The following CRYL1 variants were observed in gnomAD, a reference collection of about 807,000 sequenced individuals.
CRYL1 encodes crystallin lambda 1, also known as lambda-crystallin homolog.
Under a neutral mutation model 36.6 loss-of-function variants are expected in CRYL1, and 29 were observed. The ratio of observed to expected loss-of-function variants is 0.79; its 90% confidence interval spans 0.59 to 1.08. CRYL1 has a LOEUF of 1.08. Ranked by LOEUF, CRYL1 falls within the 50% of genes least tolerant of loss-of-function variation. The pLI is 0.00. For missense variants in CRYL1, 411 were observed against 407.9 expected (o/e 1.01, Z -0.06); for synonymous variants, 152 against 151.5 (o/e 1.00, Z -0.02).
chr13:20,508,057 G>A (rs9509259), intron 2 of CRYL1, among the ~76,000 whole-genome samples: 41,586 of 151,574 alleles, frequency 0.27, 6,951 homozygotes, highest in Admixed American at 0.38. Context: ...GCGAAACCCT[G>A]TCTCTACAAA....
chr13:20,451,335 A>G (rs2137417869), intron 3 of CRYL1, among the ~76,000 whole-genome samples: 1 of 152,276 alleles, frequency 6.6e-6, no homozygotes, highest in African/African-American at 2.4e-5. Context: ...AAAAGAAACT[A>G]TCAACAGCGT....
At chr13:20,476,548 ACAG>A (rs2033171090) in intron 3 of CRYL1, among the ~76,000 whole-genome samples, 1 of 152,168 alleles carries the variant, frequency 6.6e-6, no homozygotes, top group African/African-American at 2.4e-5. Context: ...GAAAATAAAC[ACAG>A]CAAGGCAGCT....
intron 5 of CRYL1, among the ~76,000 whole-genome samples, chr13:20,422,056 T>C (rs2137377168): frequency 6.6e-6 from 1 of 152,024 alleles, no homozygotes; most frequent in South Asian, 2.1e-4. Context: ...AAATTGCTGC[T>C]AGAAAAAAAA....
chr13:20,524,153 C>T (rs1329696738), intron 1 of CRYL1, among the ~76,000 whole-genome samples: 1 of 152,134 alleles, frequency 6.6e-6, no homozygotes, highest in Admixed American at 6.5e-5. Context: ...GGCTTGAGCC[C>T]GGAAGGTGGA....
At chr13:20,423,011 T>G (rs1216751016) in intron 5 of CRYL1, among the ~76,000 whole-genome samples, 1 of 152,226 alleles carries the variant, frequency 6.6e-6, no homozygotes, top group Non-Finnish European at 1.5e-5. Flanking sequence ...CTTTCTTGAT[T>G]AAATGTATTT....
chr13:20,500,211 A>T (rs1422513133), intron 2 of CRYL1, among the ~76,000 whole-genome samples: 2 of 152,186 alleles, frequency 1.3e-5, no homozygotes, highest in African/African-American at 4.8e-5. Flanking sequence ...TTTGTTTTTC[A>T]GAGTCTGAAG....
intron 2 of CRYL1, among the ~76,000 whole-genome samples, chr13:20,497,458 TACACACTACACACACACCACCAC>T (rs1211197957): frequency 2.4e-4 from 22 of 91,756 alleles, no homozygotes; most frequent in African/African-American, 7.4e-4. Context: ...ACACCACATA[TACACACTACACACACACCACCAC>T]ACACACAACT....
At chr13:20,406,789 A>C (rs1465708570) in intron 6 of CRYL1, among the ~76,000 whole-genome samples, 4 of 151,890 alleles carry the variant, frequency 2.6e-5, no homozygotes, top group African/African-American at 9.7e-5. Flanking sequence ...AAGAAAATGG[A>C]AAGAGCTGCT....
intron 5 of CRYL1, among the ~76,000 whole-genome samples, chr13:20,422,290 A>G (rs1156499661): frequency 2.7e-5 from 4 of 150,010 alleles, no homozygotes; most frequent in African/African-American, 9.8e-5. Context: ...AACCTGGGAG[A>G]TGGAGATTGC....
chr13:20,414,859 G>C (rs1163331619), intron 5 of CRYL1, among the ~76,000 whole-genome samples: 1 of 152,218 alleles, frequency 6.6e-6, no homozygotes, highest in East Asian at 1.9e-4. Flanking sequence ...CATTTCCACT[G>C]TCAGGAGGGC....
chr13:20,418,249 C>G (rs891389816), intron 5 of CRYL1: 3 of 152,196 alleles, frequency 2.0e-5, no homozygotes, highest in African/African-American at 7.2e-5. Context: ...CTAGCCTGGC[C>G]GAGCTGACCC....
chr13:20,404,062 T>A lies in CRYL1; in HGVS notation c.*67A>T. 1 of 1,121,238 alleles carries A rather than the reference T, an allele frequency of 8.9e-7. No individual in the cohort carries two copies. The highest frequency in any genetic ancestry group is 1.4e-6 in the Non-Finnish European group (1 of 738,928). 69.5% of individuals were successfully genotyped at this position (1,121,238 alleles called of 1,614,324 possible). On this transcript the variant is annotated 3_prime_UTR_variant, in exon 8 of 8. Coordinates refer to ENST00000298248, the MANE Select transcript of CRYL1 (RefSeq NM_015974.3). The stretch of plus-strand genomic sequence containing the variant: ...TGCTACCTATGTCACAGAGGGCTGA[T>A]TAAGGGCTTGCAGTGTTCCCAAATA...
intron 5 of CRYL1, among the ~76,000 whole-genome samples, chr13:20,424,606 G>A (rs1039840338): frequency 6.6e-6 from 1 of 152,192 alleles, no homozygotes; most frequent in Non-Finnish European, 1.5e-5. Flanking sequence ...AGCTCTAAGC[G>A]GCACCTGGGG....
rs1555226402 is a variant in CRYL1 at position 20,420,701 on chromosome 13, TTGTG to T, written c.634-7318_634-7315del. On this transcript the variant is annotated intron_variant, in intron 5 of 7. Coordinates refer to ENST00000298248, the MANE Select transcript of CRYL1 (RefSeq NM_015974.3). ...CTTTGACTTTTCTTTAAAATAGAGG[TTGTG>T]TGTGTGTGTGTGTGTGTGTGTGTGT... Among the ~76,000 whole-genome samples the T allele has an allele frequency of 1.1e-3, 24 of 21,874 alleles. 3 individuals are homozygous for T. Among genetic ancestry groups the T allele is most frequent in the Middle Eastern group, 0.056 (2 of 36 alleles). The allele number at this position is 21,874 out of a possible 152,430, so 14.4% of individuals were successfully genotyped here.
intron 3 of CRYL1, among the ~76,000 whole-genome samples, chr13:20,447,754 A>T (rs2032487455): frequency 6.6e-6 from 1 of 152,230 alleles, no homozygotes; most frequent in Admixed American, 6.5e-5. Context: ...CCTTTAATGC[A>T]CTAAGGATAA....
At chr13:20,456,195 C>T (rs955501807) in intron 3 of CRYL1, among the ~76,000 whole-genome samples, 11 of 151,998 alleles carry the variant, frequency 7.2e-5, no homozygotes, top group Admixed American at 3.3e-4. Context: ...ATACAATGAC[C>T]GGATGCAGTG....
chr13:20,475,479 G>A (rs944034207), intron 3 of CRYL1, among the ~76,000 whole-genome samples: 3 of 152,354 alleles, frequency 2.0e-5, no homozygotes. Context: ...TTCCTGAGGT[G>A]TGCAGGCAAA....
intron 1 of CRYL1, among the ~76,000 whole-genome samples, chr13:20,521,029 G>A (rs1240516038): frequency 1.1e-4 from 16 of 148,626 alleles, no homozygotes; most frequent in African/African-American, 2.5e-4. Context: ...CCGTGAACCC[G>A]GAGGCGGAGG....
intron 1 of CRYL1, among the ~76,000 whole-genome samples, chr13:20,517,755 T>C (rs1218242025): frequency 6.6e-6 from 1 of 151,310 alleles, no homozygotes; most frequent in African/African-American, 2.4e-5. Context: ...GCTAACATGG[T>C]GAAACCCCAT....
Sources: gnomAD v4.1 joint callset for allele counts (sites outside exome capture counted in the v4.1 genomes callset) on GRCh38, gnomAD v4.1.1 for gene constraint, MANE v1.5 for transcripts, NCBI Gene and HGNC (gene_info 2026-07-23, HGNC 2026-07-21) for gene names.